Variants in NPSR1 observed in about 807,000 individuals in gnomAD.
NPSR1 encodes the protein neuropeptide S receptor.
NPSR1 carries 48 observed loss-of-function variants against 46.9 expected under a neutral mutation model. The observed-to-expected ratio is 1.02, with a 90% confidence interval of 0.81 to 1.30. NPSR1 has a LOEUF of 1.30. Ranked by LOEUF, NPSR1 falls within the 50% of genes most tolerant of loss-of-function variation. The probability of loss-of-function intolerance (pLI) is 0.00; values close to 1 mark genes in which losing one functional copy is unlikely to be tolerated. For missense variants in NPSR1, 450 were observed against 449.5 expected, an observed-to-expected ratio of 1.00 and a Z score of -0.01; for synonymous variants, 176 against 168.1, an observed-to-expected ratio of 1.05 and a Z score of -0.36.
downstream of NPSR1, chr7:34,850,072 C>A: frequency 1.2e-6 from 1 of 847,408 alleles, no homozygotes; most frequent in Non-Finnish European, 1.4e-6. Context: ...CCATATTTTT[C>A]CCCCAGTTTT....
At chr7:34,794,163 G>A (rs964567288) in intron 3 of NPSR1, among the ~76,000 whole-genome samples, 3 of 151,694 alleles carry the variant, frequency 2.0e-5, no homozygotes, top group South Asian at 2.1e-4. Context: ...TGCACATCAG[G>A]GTGAATATAA....
chr7:34,725,768 A>G (rs1203174728), intron 2 of NPSR1, among the ~76,000 whole-genome samples: 1 of 152,204 alleles, frequency 6.6e-6, no homozygotes, highest in African/African-American at 2.4e-5. Context: ...AGGACTATTG[A>G]TATGGTTTGG....
Position 34,859,476 on chromosome 7 carries a change from C to A in NPSR1, c.1025+10813C>A, listed in dbSNP as rs992812866. 4.6e-5 allele frequency among the ~76,000 whole-genome samples: 7 copies of A among 151,550 alleles called. 1 individual carries two copies. The highest frequency in any genetic ancestry group is 1.2e-4 in the African/African-American group (5 of 40,884). On this transcript the variant is annotated intron_variant, in intron 8 of 8. Coordinates refer to the NPSR1 transcript ENST00000359791. ...CGGTGATGTTAGCCCCAGAGCACAG[C>A]TGAACACAGCATTCCTCAGGAGAGG...
intron 2 of NPSR1, among the ~76,000 whole-genome samples, chr7:34,773,403 A>G (rs1234885468): frequency 6.6e-6 from 1 of 152,180 alleles, no homozygotes; most frequent in Non-Finnish European, 1.5e-5. Flanking sequence ...TCCCCTGATC[A>G]CATACTATGT....
intron 8 of NPSR1, among the ~76,000 whole-genome samples, chr7:34,868,080 T>C (rs1268497685): frequency 6.6e-6 from 1 of 151,798 alleles, no homozygotes; most frequent in Non-Finnish European, 1.5e-5. Context: ...CGCCAAATAA[T>C]CTGCAGGCAC....
At chr7:34,791,098 TATATA>T (rs1183838988) in intron 3 of NPSR1, among the ~76,000 whole-genome samples, 5 of 92,516 alleles carry the variant, frequency 5.4e-5, no homozygotes, top group Non-Finnish European at 7.4e-5. Context: ...ATATATATTA[TATATA>T]ATATGTTATA....
chr7:34,826,549 C>CG (rs897637405), intron 4 of NPSR1, among the ~76,000 whole-genome samples: 1 of 152,158 alleles, frequency 6.6e-6, no homozygotes, highest in Admixed American at 6.5e-5. Flanking sequence ...GAAAGCCCAG[C>CG]TAGGTGAGGG....
intron 4 of NPSR1, among the ~76,000 whole-genome samples, chr7:34,825,996 G>A (rs1323053133): frequency 6.6e-6 from 1 of 152,084 alleles, no homozygotes; most frequent in Non-Finnish European, 1.5e-5. Flanking sequence ...TTTTTTTATT[G>A]TTATCTAGGA....
chr7:34,872,383 C>T (rs1361837417), intron 8 of NPSR1, among the ~76,000 whole-genome samples: 2 of 151,960 alleles, frequency 1.3e-5, no homozygotes, highest in Non-Finnish European at 2.9e-5. Context: ...TTCTAAAGTG[C>T]CTTCAAGGCC....
intron 8 of NPSR1, among the ~76,000 whole-genome samples, chr7:34,869,600 T>C (rs1463499685): frequency 1.3e-5 from 2 of 151,722 alleles, no homozygotes; most frequent in Admixed American, 6.5e-5. Context: ...TCCTATACCC[T>C]TGGGGCGAAA....
At chr7:34,770,327 C>G (rs139150818) in intron 2 of NPSR1, among the ~76,000 whole-genome samples, 1 of 152,336 alleles carries the variant, frequency 6.6e-6, no homozygotes, top group African/African-American at 2.4e-5. Flanking sequence ...TGACTGCTCA[C>G]ATCTGACCTT....
chr7:34,790,005 G>T (rs78445393), intron 3 of NPSR1, among the ~76,000 whole-genome samples: 2 of 151,980 alleles, frequency 1.3e-5, no homozygotes, highest in Non-Finnish European at 2.9e-5. Context: ...TGAAAAAAGT[G>T]TTTACTTCCA....
chr7:34,821,740 T>C (rs895121584), intron 4 of NPSR1, among the ~76,000 whole-genome samples: 9 of 152,140 alleles, frequency 5.9e-5, no homozygotes, highest in Non-Finnish European at 1.0e-4. Flanking sequence ...ATCAAGAGTG[T>C]CCTAAATTAT....
intron 2 of NPSR1, among the ~76,000 whole-genome samples, chr7:34,689,432 G>A (rs550218586): frequency 3.3e-5 from 5 of 151,104 alleles, no homozygotes; most frequent in Admixed American, 2.6e-4. Flanking sequence ...GGTGATACCC[G>A]GTTTCTACTA....
chr7:34,729,592 T>A (rs187876365), intron 2 of NPSR1, among the ~76,000 whole-genome samples: 2 of 152,228 alleles, frequency 1.3e-5, no homozygotes, highest in Admixed American at 1.3e-4. Flanking sequence ...AACAAGATTG[T>A]TTTTGAAAAA....
chr7:34,774,209 T>C (rs1786831714), intron 2 of NPSR1, among the ~76,000 whole-genome samples: 1 of 152,192 alleles, frequency 6.6e-6, no homozygotes, highest in Non-Finnish European at 1.5e-5. Context: ...GCTTTACAGC[T>C]ACTTAAGGAA....
intron 2 of NPSR1, among the ~76,000 whole-genome samples, chr7:34,755,754 A>C (rs1785800967): frequency 6.6e-6 from 1 of 152,140 alleles, no homozygotes; most frequent in Admixed American, 6.5e-5. Flanking sequence ...TAGGATCAGA[A>C]ACTTAGCTCC....
At chr7:34,660,972 T>TA (rs1399969041) in intron 1 of NPSR1, among the ~76,000 whole-genome samples, 4 of 152,244 alleles carry the variant, frequency 2.6e-5, no homozygotes, top group Non-Finnish European at 5.9e-5. Context: ...CTGAATGTGT[T>TA]ACAGTCCTCA....
intron 2 of NPSR1, chr7:34,719,454 T>C (rs1783741901): frequency 6.6e-6 from 1 of 152,174 alleles, no homozygotes; most frequent in Non-Finnish European, 1.5e-5. Flanking sequence ...GGTCAGAGCT[T>C]TAGTGAAGGA....
Sources: allele counts gnomAD v4.1 joint callset (sites outside exome capture counted in the v4.1 genomes callset), GRCh38; gene constraint gnomAD v4.1.1; transcripts MANE v1.5; gene names NCBI Gene and HGNC (gene_info 2026-07-23, HGNC 2026-07-21).